WDR43: variants seen among roughly 807,000 people sequenced by gnomAD.
WDR43 encodes WD repeat-containing protein 43.
Under a neutral mutation model 91.4 loss-of-function variants are expected in WDR43, and 13 were observed. The observed-to-expected ratio is 0.14, with a 90% confidence interval of 0.09 to 0.23. The LOEUF is 0.23. Among genes scored for constraint, WDR43 ranks in the 10% least tolerant of loss-of-function variants. The pLI is 1.00. For synonymous variants in WDR43, 331 were observed against 287.9 expected (o/e 1.15, Z -1.51); for missense variants, 780 against 809.4 (o/e 0.96, Z 0.44).
intron 14 of WDR43, among the ~76,000 whole-genome samples, chr2:28,940,376 C>A (rs1443124180): frequency 6.6e-6 from 1 of 151,906 alleles, no homozygotes; most frequent in African/African-American, 2.4e-5. Flanking sequence ...ATTACAGGCA[C>A]ATGCCACCAT....
chr2:28,898,805 A>G (rs1279279765), intron 1 of WDR43, among the ~76,000 whole-genome samples: 1 of 152,192 alleles, frequency 6.6e-6, no homozygotes, highest in East Asian at 1.9e-4. Context: ...TAGTGACTGC[A>G]TGTAAAACTC....
At chr2:28,917,751 T>G (rs899650497) in intron 5 of WDR43, 142 bp from the exon 6 acceptor site, 3 of 700,120 alleles carry the variant, frequency 4.3e-6, no homozygotes, top group African/African-American at 1.8e-5. Flanking sequence ...GTTTTGATCT[T>G]TAGTCACTTT....
intron 3 of WDR43, among the ~76,000 whole-genome samples, chr2:28,907,784 G>C (rs893339841): frequency 6.6e-6 from 1 of 151,996 alleles, no homozygotes; most frequent in Non-Finnish European, 1.5e-5. Flanking sequence ...GGCCTCTGTA[G>C]TCCCAGCTAC....
At chr2:28,927,867 T>TTA in intron 10 of WDR43, 167 bp downstream of exon 10, 2 of 1,025,448 alleles carry the variant, frequency 2.0e-6, no homozygotes, top group African/African-American at 3.3e-5. Context: ...TAATTCTAGA[T>TTA]TGTCATCTTT....
intron 7 of WDR43, 80 bp downstream of exon 7, chr2:28,923,063 T>A (rs1233161312): frequency 1.7e-6 from 2 of 1,207,620 alleles, no homozygotes; most frequent in Non-Finnish European, 2.4e-6. Context: ...CTGGTTATTC[T>A]TTGCATCATA....
At position 28,906,490 on chromosome 2, in the gene WDR43, A is replaced by C; in HGVS notation, c.394A>C (p.Ile132Leu). 1 of 1,582,812 alleles carries C rather than the reference A, an allele frequency of 6.3e-7. No homozygotes were observed. The part of the protein sequence containing the change: ...SGGHDNRVNC[I>L]QWHQDSGCLY... ...TGGACATGACAACAGAGTCAACTGC[A>C]TACAGTGGCATCAAGACAGTGGCTG... Residue 132 changes from isoleucine (I) to leucine (L), a missense_variant, in exon 3 of 18, where the codon ATA becomes CTA. Coordinates refer to ENST00000407426, the MANE Select transcript of WDR43 (RefSeq NM_015131.3).
chr2:28,927,847 A>G lies in WDR43; in HGVS notation c.1305+147A>G, dbSNP rs1572596968. 58 of 1,074,238 alleles carry G rather than the reference A, an allele frequency of 5.4e-5. No individual in the cohort carries two copies. The South Asian group carries it at 1.0e-3, about 19-fold the overall frequency. 66.5% of individuals were successfully genotyped at this position (1,074,238 alleles called of 1,614,324 possible). A position where few individuals can be genotyped will look rare whatever the true frequency, so the allele number is the denominator to read the frequency against. On this transcript the variant is annotated intron_variant, in intron 10 of 17. Coordinates refer to ENST00000407426, the MANE Select transcript of WDR43 (RefSeq NM_015131.3). Reference sequence around the variant, plus strand: ...TATGCTCTCTTTTATCTTCACCATCATAGATTTCATAATTCTAGATTGTCA... The same window carrying G: ...TATGCTCTCTTTTATCTTCACCATCGTAGATTTCATAATTCTAGATTGTCA...
chr2:28,905,391 G>A (rs1045306728), intron 2 of WDR43, among the ~76,000 whole-genome samples: 34 of 152,130 alleles, frequency 2.2e-4, no homozygotes, highest in African/African-American at 8.2e-4. Flanking sequence ...TGGGCATCTT[G>A]CTATGCTGTA....
intron 11 of WDR43, among the ~76,000 whole-genome samples, chr2:28,934,455 A>G (rs1671302372): frequency 6.6e-6 from 1 of 152,172 alleles, no homozygotes; most frequent in South Asian, 2.1e-4. Flanking sequence ...TGTAAAAGAA[A>G]AATCTTGTCT....
intron 2 of WDR43, 25 bp from the exon 3 acceptor site, chr2:28,906,433 AAT>A: frequency 2.1e-6 from 3 of 1,453,244 alleles, no homozygotes; most frequent in East Asian, 2.7e-5. Context: ...ACCAGCCTTA[AAT>A]TTTTTTTTTT....
At chr2:28,941,076 G>C (rs1475990805) in intron 14 of WDR43, among the ~76,000 whole-genome samples, 1 of 152,194 alleles carries the variant, frequency 6.6e-6, no homozygotes, top group Non-Finnish European at 1.5e-5. Flanking sequence ...GCTAGCATCA[G>C]AGGATAAGAT....
At chr2:28,901,927 A>G (rs1670583804) in intron 1 of WDR43, 60 bp from the exon 2 acceptor site, 1 of 1,478,560 alleles carries the variant, frequency 6.8e-7, no homozygotes, top group East Asian at 2.5e-5. Context: ...GTATTTGTTC[A>G]TTAACGATGT....
intron 5 of WDR43, among the ~76,000 whole-genome samples, chr2:28,916,447 A>G (rs1336464200): frequency 6.6e-6 from 1 of 152,158 alleles, no homozygotes; most frequent in Admixed American, 6.5e-5. Context: ...AGCCATTCTA[A>G]TAGGTGGGTA....
chr2:28,903,746 G>A (rs1670621476), intron 2 of WDR43, among the ~76,000 whole-genome samples: 1 of 152,136 alleles, frequency 6.6e-6, no homozygotes, highest in Non-Finnish European at 1.5e-5. Context: ...TGTTCAGCAG[G>A]TACCTAGCAT....
chr2:28,899,725 T>TG (rs1236866585), intron 1 of WDR43, among the ~76,000 whole-genome samples: 2 of 152,210 alleles, frequency 1.3e-5, no homozygotes, highest in East Asian at 1.9e-4. Context: ...GGGTAATACT[T>TG]GGAGTATCAG....
At chr2:28,894,981 C>T in intron 1 of WDR43, 58 bp downstream of exon 1, 1 of 1,425,580 alleles carries the variant, frequency 7.0e-7, no homozygotes, top group Non-Finnish European at 9.2e-7. Flanking sequence ...TTCGGGCCTC[C>T]GGGCCGGGTG....
chr2:28,899,176 A>C (rs546790415), intron 1 of WDR43, among the ~76,000 whole-genome samples: 1 of 152,308 alleles, frequency 6.6e-6, no homozygotes, highest in East Asian at 1.9e-4. Flanking sequence ...CAAATATATA[A>C]ACTAAATTTT....
intron 11 of WDR43, among the ~76,000 whole-genome samples, chr2:28,931,291 A>C (rs1191716966): frequency 6.6e-6 from 1 of 152,136 alleles, no homozygotes; most frequent in East Asian, 1.9e-4. Flanking sequence ...CATGTTGGCC[A>C]GGCTGGTCTT....
intron 2 of WDR43, among the ~76,000 whole-genome samples, chr2:28,906,248 C>T (rs559814842): frequency 6.6e-6 from 1 of 152,116 alleles, no homozygotes; most frequent in African/African-American, 2.4e-5. Context: ...ACATCCTCTG[C>T]CAATGACTGG....
Sources: gnomAD v4.1 joint callset for allele counts (sites outside exome capture counted in the v4.1 genomes callset) on GRCh38, gnomAD v4.1.1 for gene constraint, MANE v1.5 for transcripts, NCBI Gene and HGNC (gene_info 2026-07-23, HGNC 2026-07-21) for gene names.